Variants in USP44 observed in about 807,000 individuals in gnomAD.
USP44 encodes the protein ubiquitin specific peptidase 44.
In USP44, 61 loss-of-function variants were observed where a neutral mutation model predicts 69.0. The ratio of observed to expected loss-of-function variants is 0.88; its 90% CI spans 0.72 to 1.09. The LOEUF (loss-of-function observed/expected upper bound fraction) is 1.09, where lower values mean the gene tolerates loss of function less well. USP44 is among the 50% of genes least tolerant of loss of function. The pLI is 0.00. For synonymous variants in USP44, 297 were observed against 295.4 expected (o/e 1.01, Z -0.06); for missense variants, 753 against 849.9 (o/e 0.89, Z 1.42).
intron 2 of USP44, 32 bp downstream of exon 2, chr12:95,532,797 A>T (rs1158169368): frequency 6.6e-7 from 1 of 1,525,280 alleles, no homozygotes; most frequent in African/African-American, 1.4e-5. Context: ...TGAACTCCCA[A>T]TGATGAAAAT....
intron 3 of USP44, among the ~76,000 whole-genome samples, chr12:95,527,044 T>A (rs2076861549): frequency 6.6e-6 from 1 of 151,852 alleles, no homozygotes; most frequent in South Asian, 2.1e-4. Flanking sequence ...TAGCATTTTA[T>A]CCCTCACCCC....
chr12:95,533,937 C>T lies in USP44; in HGVS notation c.320G>A (p.Ser107Asn). 4 of 1,614,190 alleles carry T rather than the reference C, an allele frequency of 2.5e-6. No individual in the cohort carries two copies. Among genetic ancestry groups the T allele is most frequent in the Non-Finnish European group, 3.4e-6 (4 of 1,180,034 alleles). Reference protein sequence around the residue: ...LLRRTLSAIKSQNYHCTTRSG... With the variant: ...LLRRTLSAIKNQNYHCTTRSG... ...ACGAGTTGTGCAGTGATAATTTTGA[C>T]TTTTGATGGCACTTAATGTACGTCG... Residue 107 changes from serine (S) to asparagine (N), a missense_variant, in exon 2 of 6, where the codon AGT becomes AAT. Physicochemically the swap from Ser to Asn is conservative, Grantham distance 46 (BLOSUM62 1). Transcript: ENST00000258499.
chr12:95,532,178 T>TTTTTC (rs1555200233), intron 2 of USP44, among the ~76,000 whole-genome samples: 27 of 149,026 alleles, frequency 1.8e-4, no homozygotes, highest in African/African-American at 6.5e-4. Context: ...TTTTTTTTTT[T>TTTTTC]TTTTTTTGAG....
At chr12:95,549,836 C>G (rs887892815) in intron 1 of USP44, among the ~76,000 whole-genome samples, 4 of 152,034 alleles carry the variant, frequency 2.6e-5, no homozygotes, top group Non-Finnish European at 5.9e-5. Context: ...CCGTAAAAGG[C>G]AAGAAGGAGC....
Position 95,533,522 on chromosome 12 carries a change from T to A in USP44, c.735A>T (p.Val245=). ...ATATTTCATTTTCTGAGGTAGAGAG[T>A]ACTTTATCTTTTGCTGGTGATGCTG... ...QTPASPAKDK[V]LSTSENEISQ... Residue 245 remains valine (V), a synonymous_variant, in exon 2 of 6, where the codon GTA becomes GTT. Transcript: ENST00000258499. 6.2e-7 allele frequency: 1 copy of A among 1,613,842 alleles called. No individual in the cohort carries two copies. Among genetic ancestry groups the A allele is most frequent in the South Asian group, 1.1e-5 (1 of 91,042 alleles).
chr12:95,518,162 G>T lies in USP44; in HGVS notation c.2131C>A (p.Leu711Ile), dbSNP rs1592653480. 2 of 1,614,028 alleles carry T rather than the reference G, an allele frequency of 1.2e-6. No individual in the cohort carries two copies. Among genetic ancestry groups the T allele is most frequent in the African/African-American group, 2.7e-5 (2 of 74,920 alleles). ...EDADTSSNEI[L>I]S ...ACCCCATTGTCTTTGGATCAGCTAA[G>T]GATTTCATTAGACGAGGTATCAGCG... Residue 711 changes from leucine to isoleucine, a missense_variant, in exon 6 of 6, where the codon CTT becomes ATT. Physicochemically the swap from Leu to Ile is conservative, Grantham distance 5. Coordinates refer to ENST00000258499, the MANE Select transcript of USP44 (RefSeq NM_032147.5).
chr12:95,522,585 C>CT (rs990594040), intron 4 of USP44, among the ~76,000 whole-genome samples: 72 of 152,090 alleles, frequency 4.7e-4, no homozygotes, highest in African/African-American at 1.7e-3. Flanking sequence ...CAAGACCAGC[C>CT]TGGCTAACAT....
At chr12:95,519,399 C>T (rs569234162) in intron 5 of USP44, among the ~76,000 whole-genome samples, 1 of 151,390 alleles carries the variant, frequency 6.6e-6, no homozygotes, top group South Asian at 2.1e-4. Context: ...ACTTATGGTC[C>T]CGAGCATTTC....
intron 4 of USP44, among the ~76,000 whole-genome samples, chr12:95,523,094 ATAT>A (rs1413180874): frequency 6.6e-6 from 1 of 152,136 alleles, no homozygotes; most frequent in African/African-American, 2.4e-5. Flanking sequence ...TGTGGAACCT[ATAT>A]GCCCCTTCCC....
chr12:95,541,338 C>T (rs571661787), intron 1 of USP44, among the ~76,000 whole-genome samples: 66 of 152,204 alleles, frequency 4.3e-4, no homozygotes, highest in African/African-American at 1.5e-3. Context: ...AATACAAAGT[C>T]CTAGCAATTT....
intron 4 of USP44, 86 bp from the exon 5 acceptor site, chr12:95,521,288 C>T (rs1421256720): frequency 8.3e-7 from 1 of 1,202,328 alleles, no homozygotes; most frequent in Non-Finnish European, 1.2e-6. Flanking sequence ...CAGATGACCC[C>T]AGGCAGCATG....
intron 2 of USP44, among the ~76,000 whole-genome samples, chr12:95,531,614 C>G (rs1417853120): frequency 2.6e-5 from 4 of 152,142 alleles, no homozygotes; most frequent in Non-Finnish European, 5.9e-5. Context: ...TGCTAATTGA[C>G]ACAAAATCTT....
intron 4 of USP44, among the ~76,000 whole-genome samples, chr12:95,523,744 C>T (rs2076742481): frequency 6.7e-6 from 1 of 148,250 alleles, no homozygotes; most frequent in South Asian, 2.2e-4. Context: ...TAAGGTAACA[C>T]TATACTCAAA....
chr12:95,531,894 T>C (rs1484004269), intron 2 of USP44, among the ~76,000 whole-genome samples: 1 of 152,210 alleles, frequency 6.6e-6, no homozygotes, highest in Non-Finnish European at 1.5e-5. Flanking sequence ...AGTTCACCAA[T>C]AAGTCCACTC....
intron 3 of USP44, among the ~76,000 whole-genome samples, chr12:95,525,234 GC>G (rs2140240709): frequency 6.6e-6 from 1 of 152,174 alleles, no homozygotes; most frequent in African/African-American, 2.4e-5. Context: ...ACCATGCCCG[GC>G]TAATTTTTGT....
rs749733957 is a variant in USP44 at position 95,521,212 on chromosome 12, A to G, written c.1734-10T>C. ...ATTACGTCCTGACCACCTGTGAACAAACCAGTGTAAAATTATCCACACAAT... is the reference window on the plus strand; with the variant it reads ...ATTACGTCCTGACCACCTGTGAACAGACCAGTGTAAAATTATCCACACAAT... On this transcript the variant is annotated splice_polypyrimidine_tract_variant and intron_variant, in intron 4 of 5. Coordinates refer to ENST00000258499, the MANE Select transcript of USP44 (RefSeq NM_032147.5). 1.9e-6 allele frequency: 3 copies of G among 1,614,078 alleles called. No homozygotes were observed. Among genetic ancestry groups the G allele is most frequent in the Non-Finnish European group, 2.5e-6 (3 of 1,179,926 alleles).
rs752280088 is a variant in USP44 at position 95,533,517 on chromosome 12, G to A, written c.740C>T (p.Ser247Phe). 3.1e-6 allele frequency: 5 copies of A among 1,613,962 alleles called. No individual in the cohort carries two copies. In the African/African-American group the frequency reaches 5.3e-5, roughly 17 times the overall value. ...PASPAKDKVL[S>F]TSENEISQKV... ...TTGAGATATTTCATTTTCTGAGGTA[G>A]AGAGTACTTTATCTTTTGCTGGTGA... Residue 247 changes from serine (S) to phenylalanine (F), a missense_variant, in exon 2 of 6, where the codon TCT becomes TTT. By Grantham distance (155) the Ser-to-Phe change is radical (BLOSUM62 -2). Coordinates refer to ENST00000258499, the MANE Select transcript of USP44 (RefSeq NM_032147.5).
Position 95,520,007 on chromosome 12 carries a change from C to CAAAAAAAAAAAAAAA in USP44, c.1939+975_1939+989dup, listed in dbSNP as rs56348745. Among the ~76,000 whole-genome samples, 26 of 34,528 alleles carry CAAAAAAAAAAAAAAA rather than the reference C, an allele frequency of 7.5e-4. 2 individuals are homozygous for CAAAAAAAAAAAAAAA. Among genetic ancestry groups the CAAAAAAAAAAAAAAA allele is most frequent in the African/African-American group, 1.6e-3 (15 of 9,216 alleles). 22.7% of individuals were successfully genotyped at this position (34,528 alleles called of 152,430 possible). A position where few individuals can be genotyped will look rare whatever the true frequency, so the allele number is the denominator to read the frequency against. On this transcript the variant is annotated intron_variant, in intron 5 of 5. Transcript: ENST00000258499. ...CAGGGGAAAGAGTGAGACTCTGTCT[C>CAAAAAAAAAAAAAAA]AAAAAAAAAAAAAAAAAAAAAAAAA...
intron 3 of USP44, among the ~76,000 whole-genome samples, chr12:95,525,021 T>C (rs2076791388): frequency 6.6e-6 from 1 of 152,242 alleles, no homozygotes; most frequent in Admixed American, 6.5e-5. Context: ...GTACATGATT[T>C]AATAATAATC....
Sources: allele counts gnomAD v4.1 joint callset (sites outside exome capture counted in the v4.1 genomes callset), GRCh38; gene constraint gnomAD v4.1.1; transcripts MANE v1.5; gene names NCBI Gene and HGNC (gene_info 2026-07-23, HGNC 2026-07-21).